MACROD2: variants seen among roughly 807,000 people sequenced by gnomAD.
MACROD2 encodes ADP-ribose glycohydrolase MACROD2.
A neutral mutation model predicts 70.4 loss-of-function variants in MACROD2; 36 were observed. That is an observed-to-expected ratio of 0.51 (90% CI 0.39 to 0.68). MACROD2 has a LOEUF of 0.68. MACROD2 is among the 30% of genes least tolerant of loss of function. The probability of loss-of-function intolerance (pLI) is 0.00; values close to 1 mark genes in which losing one functional copy is unlikely to be tolerated. For missense variants in MACROD2, 496 were observed against 538.4 expected (o/e 0.92, Z 0.78); for synonymous variants, 172 against 178.8 (o/e 0.96, Z 0.30).
At chr20:15,872,382 G>T (rs762144910) in intron 9 of MACROD2, among the ~76,000 whole-genome samples, 1 of 152,152 alleles carries the variant, frequency 6.6e-6, no homozygotes, top group Non-Finnish European at 1.5e-5. Flanking sequence ...GAGAAAGGTA[G>T]CAATTGTCTA....
chr20:14,905,294 A>G (rs938025532), intron 5 of MACROD2: 2 of 152,202 alleles, frequency 1.3e-5, no homozygotes, highest in South Asian at 4.1e-4. Context: ...CATTCAATTC[A>G]GAAAGAATAG....
intron 3 of MACROD2, among the ~76,000 whole-genome samples, chr20:14,182,445 A>G (rs771930340): frequency 5.9e-5 from 9 of 151,870 alleles, no homozygotes; most frequent in Non-Finnish European, 1.3e-4. Flanking sequence ...CACTTTCTTG[A>G]TAGTGTCCTT....
At chr20:15,457,349 C>T (rs1007620437) in intron 7 of MACROD2, among the ~76,000 whole-genome samples, 3 of 151,962 alleles carry the variant, frequency 2.0e-5, no homozygotes, top group Admixed American at 1.3e-4. Flanking sequence ...TCAAATTGAC[C>T]GTACCAAATT....
At position 14,058,282 on chromosome 20, in the gene MACROD2, T is replaced by C. The variant is rs371321846; in HGVS notation, c.164-27339T>C. 1.8e-3 allele frequency among the ~76,000 whole-genome samples: 276 copies of C among 152,248 alleles called. 4 individuals carry two copies. In the South Asian group the frequency reaches 0.024, roughly 13 times the overall value. On this transcript the variant is annotated intron_variant, in intron 2 of 17. Transcript: ENST00000684519. Reference sequence around the variant, plus strand: ...GTGAGGATATTATTATTAAATAATATTAAAATAACTAGAAATTCAGTGAAA... The same window carrying C: ...GTGAGGATATTATTATTAAATAATACTAAAATAACTAGAAATTCAGTGAAA...
intron 3 of MACROD2, among the ~76,000 whole-genome samples, chr20:14,403,803 C>T (rs1029137891): frequency 6.6e-6 from 1 of 152,046 alleles, no homozygotes; most frequent in Non-Finnish European, 1.5e-5. Flanking sequence ...AGCCTATTAA[C>T]CAGATCTCAA....
chr20:15,642,472 G>T (rs1052456851), intron 8 of MACROD2, among the ~76,000 whole-genome samples: 1 of 151,936 alleles, frequency 6.6e-6, no homozygotes, highest in Admixed American at 6.6e-5. Context: ...CCCAGGTAAG[G>T]AATGTCTATG....
Position 15,937,536 on chromosome 20 carries a change from A to G in MACROD2, c.899A>G (p.Lys300Arg), listed in dbSNP as rs751197541. The part of the protein sequence containing the change: ...PASEEAVEDC[K>R]DEDFAKDENI... ...TCAGAAGAGGCAGTTGAAGACTGTAAAGATGAAGGTATGAGGCTACTAACT... is the reference window on the plus strand; with the variant it reads ...TCAGAAGAGGCAGTTGAAGACTGTAGAGATGAAGGTATGAGGCTACTAACT... The change falls in exon 12 of 18, where the codon AAA (lysine) becomes AGA (arginine). Residue 300 changes from lysine to arginine, a missense_variant. Transcript: ENST00000684519. 1.9e-6 allele frequency: 3 copies of G among 1,613,174 alleles called. No homozygotes were observed. The highest frequency in any genetic ancestry group is 2.5e-6 in the Non-Finnish European group (3 of 1,179,298).
At chr20:14,504,869 A>G (rs1423269848) in intron 4 of MACROD2, among the ~76,000 whole-genome samples, 1 of 152,236 alleles carries the variant, frequency 6.6e-6, no homozygotes, top group Non-Finnish European at 1.5e-5. Context: ...TCTTTCACAC[A>G]GACAATCATT....
intron 5 of MACROD2, among the ~76,000 whole-genome samples, chr20:14,937,794 C>T (rs914236248): frequency 3.3e-5 from 5 of 152,030 alleles, no homozygotes; most frequent in African/African-American, 7.2e-5. Flanking sequence ...TTCTATGAAA[C>T]TGTATATTTG....
At chr20:15,519,611 A>C (rs1321432496) in intron 8 of MACROD2, among the ~76,000 whole-genome samples, 1 of 152,226 alleles carries the variant, frequency 6.6e-6, no homozygotes, top group African/African-American at 2.4e-5. Context: ...GAGAATCTGT[A>C]AGATAAATAA....
At chr20:16,041,596 C>T (rs2067308614) in intron 16 of MACROD2, among the ~76,000 whole-genome samples, 1 of 151,924 alleles carries the variant, frequency 6.6e-6, no homozygotes, top group East Asian at 1.9e-4. Flanking sequence ...GCATTACTTA[C>T]TTCTGCAAAA....
chr20:15,848,984 T>C (rs549939173), intron 8 of MACROD2, among the ~76,000 whole-genome samples: 159 of 152,194 alleles, frequency 1.0e-3, no homozygotes, highest in Non-Finnish European at 1.6e-3. Context: ...AGAGAGATGA[T>C]ATGAAATAGC....
At chr20:15,478,877 G>T (rs1367775879) in intron 7 of MACROD2, among the ~76,000 whole-genome samples, 1 of 152,186 alleles carries the variant, frequency 6.6e-6, no homozygotes, top group Non-Finnish European at 1.5e-5. Context: ...AATGCAAGTT[G>T]TCACCAGGCA....
In MACROD2 at chr20:15,216,000, G is replaced by A. The variant is rs187307134; in HGVS notation, c.419-13940G>A. ...TATTAAGAGTTCTAGAAAGAATGGA[G>A]AAAATGAAAGAGTAGTAATAATTTT... On this transcript the variant is annotated intron_variant, in intron 5 of 17. Coordinates refer to ENST00000684519, the MANE Select transcript of MACROD2 (RefSeq NM_001351661.2). Among the ~76,000 whole-genome samples, 319 of 152,196 alleles carry A rather than the reference G, an allele frequency of 2.1e-3. 1 individual carries two copies. Among genetic ancestry groups the A allele is most frequent in the African/African-American group, 7.1e-3 (293 of 41,554 alleles).
intron 3 of MACROD2, among the ~76,000 whole-genome samples, chr20:14,151,787 G>A (rs1274540822): frequency 6.7e-6 from 1 of 148,838 alleles, no homozygotes; most frequent in African/African-American, 2.5e-5. Flanking sequence ...ATTAGAGGTG[G>A]TAATTGGCCT....
chr20:14,232,579 C>G (rs1180568521), intron 3 of MACROD2, among the ~76,000 whole-genome samples: 1 of 152,212 alleles, frequency 6.6e-6, no homozygotes, highest in Admixed American at 6.5e-5. Context: ...CGCTAGCTCC[C>G]AGCTTTTCTT....
chr20:15,444,489 G>T (rs532650160), intron 7 of MACROD2, among the ~76,000 whole-genome samples: 1 of 152,094 alleles, frequency 6.6e-6, no homozygotes, highest in Non-Finnish European at 1.5e-5. Flanking sequence ...CCTCTCCAAA[G>T]CTACTTTTGC....
rs11087091 is a variant in MACROD2, at chr20:14,454,749, CTTTTTTTTT to C, written c.272-38717_272-38709del. 1.5e-4 allele frequency among the ~76,000 whole-genome samples: 12 copies of C among 80,646 alleles called. No individual in the cohort carries two copies. The East Asian group carries it at 4.9e-3, about 33-fold the overall frequency. The allele number at this position is 80,646 out of a possible 152,430, so 52.9% of individuals were successfully genotyped here. ...AGTTTCCTTTTTCTGTCTCTACACT[CTTTTTTTTT>C]TTTTTTTTTTTTGAGACGGAGTCTT... On this transcript the variant is annotated intron_variant, in intron 3 of 17. Coordinates refer to ENST00000684519, the MANE Select transcript of MACROD2 (RefSeq NM_001351661.2).
chr20:14,304,916 G>A (rs775515117), intron 3 of MACROD2, among the ~76,000 whole-genome samples: 9 of 151,898 alleles, frequency 5.9e-5, no homozygotes, highest in Admixed American at 2.6e-4. Flanking sequence ...GGGACTTTGC[G>A]CTTGTGATTA....
Sources: gnomAD v4.1 joint callset for allele counts (sites outside exome capture counted in the v4.1 genomes callset) on GRCh38, gnomAD v4.1.1 for gene constraint, MANE v1.5 for transcripts, NCBI Gene and HGNC (gene_info 2026-07-23, HGNC 2026-07-21) for gene names.